AKAP19: variants seen among roughly 807,000 people sequenced by gnomAD.
AKAP19 encodes small A-kinase anchoring protein.
At chr2:190,067,269 A>G in the AKAP19 span, among the ~76,000 whole-genome samples, 1 of 152,164 alleles carries the variant, frequency 6.6e-6, no homozygotes, top group Non-Finnish European at 1.5e-5. Context: ...AAGGCAAAAA[A>G]CATCTTAGTA....
At chr2:189,896,462 C>T in the AKAP19 span, among the ~76,000 whole-genome samples, 2 of 152,010 alleles carry the variant, frequency 1.3e-5, no homozygotes, top group African/African-American at 4.8e-5. Flanking sequence ...TGTACTTTTT[C>T]CCGCGTTCCA....
the AKAP19 span, among the ~76,000 whole-genome samples, chr2:190,162,742 C>T: frequency 2.0e-5 from 3 of 152,230 alleles, no homozygotes; most frequent in East Asian, 5.8e-4. Flanking sequence ...CTCCGATGGA[C>T]ATATCAGAGG....
At chr2:189,955,039 C>A in the AKAP19 span, among the ~76,000 whole-genome samples, 4 of 152,124 alleles carry the variant, frequency 2.6e-5, no homozygotes, top group Admixed American at 2.0e-4. Flanking sequence ...TTAGTGTACT[C>A]ATCACCCAAA....
chr2:190,178,883 G>A, the AKAP19 span, among the ~76,000 whole-genome samples: 3 of 152,142 alleles, frequency 2.0e-5, no homozygotes, highest in Admixed American at 6.5e-5. This position sits in a 1 kb window ranked among gnomAD's most constrained non-coding sequence, Gnocchi z 6.3. Context: ...AAGAACTGAC[G>A]CCATCCCCTC....
chr2:190,038,998 C>CTTT, the AKAP19 span, among the ~76,000 whole-genome samples: 1 of 110,654 alleles, frequency 9.0e-6, no homozygotes, highest in African/African-American at 5.0e-5. Context: ...TTTCTTTCTT[C>CTTT]TCTTCTTCTT....
chr2:190,006,130 T>A, the AKAP19 span, among the ~76,000 whole-genome samples: 2 of 152,242 alleles, frequency 1.3e-5, no homozygotes, highest in African/African-American at 2.4e-5. Flanking sequence ...ATTCTTATCA[T>A]TTTTCATGAG....
At chr2:189,904,245 C>T in the AKAP19 span, among the ~76,000 whole-genome samples, 1 of 151,994 alleles carries the variant, frequency 6.6e-6, no homozygotes, top group African/African-American at 2.4e-5. Flanking sequence ...CCATCATATA[C>T]ATTTTTATAT....
chr2:189,971,252 C>G, the AKAP19 span, among the ~76,000 whole-genome samples: 1 of 152,022 alleles, frequency 6.6e-6, no homozygotes, highest in Non-Finnish European at 1.5e-5. Context: ...TTTGTCCTTG[C>G]GATAGTTTGC....
At chr2:190,191,932 GT>G in the AKAP19 span, among the ~76,000 whole-genome samples, 525 of 147,696 alleles carry the variant, frequency 3.6e-3, 1 homozygote, top group African/African-American at 0.012. Context: ...TTTTAACTGT[GT>G]TTTTTTTTCC....
the AKAP19 span, among the ~76,000 whole-genome samples, chr2:189,893,244 T>C: frequency 1.7e-4 from 26 of 152,286 alleles, no homozygotes; most frequent in African/African-American, 6.0e-4. Flanking sequence ...GTCTCATTGG[T>C]GTTCCAGACA....
At chr2:190,116,031 C>A in the AKAP19 span, among the ~76,000 whole-genome samples, 3 of 152,216 alleles carry the variant, frequency 2.0e-5, no homozygotes, top group Non-Finnish European at 4.4e-5. Flanking sequence ...TCTACGCAAA[C>A]CTGCAAGCCC....
At chr2:189,948,035 G>T in the AKAP19 span, among the ~76,000 whole-genome samples, 1 of 152,066 alleles carries the variant, frequency 6.6e-6, no homozygotes, top group Non-Finnish European at 1.5e-5. Flanking sequence ...AATATTTAAC[G>T]TATAATAAGT....
chr2:190,169,745 C>T, the AKAP19 span, among the ~76,000 whole-genome samples: 4 of 152,146 alleles, frequency 2.6e-5, no homozygotes, highest in Non-Finnish European at 5.9e-5. Flanking sequence ...CATGGTAACA[C>T]TGATTAGGCT....
At chr2:190,163,366 A>G in the AKAP19 span, among the ~76,000 whole-genome samples, 2,607 of 151,608 alleles carry the variant, frequency 0.017, 47 homozygotes, top group African/African-American at 0.042. Flanking sequence ...CCTGGGAGGC[A>G]GAGCTTGCAG....
At chr2:190,107,812 G>A in the AKAP19 span, among the ~76,000 whole-genome samples, 3,386 of 152,294 alleles carry the variant, frequency 0.022, 144 homozygotes, top group African/African-American at 0.077. Flanking sequence ...TAATTTTATA[G>A]CATCAAAAAT....
chr2:190,038,897 TTTCTTTCTTCTTCTTCTTCTTCTTCTTC>T, the AKAP19 span, among the ~76,000 whole-genome samples: 10 of 62,330 alleles, frequency 1.6e-4, no homozygotes, highest in East Asian at 1.1e-3. Flanking sequence ...TCTTTCTTTC[TTTCTTTCTTCTTCTTCTTCTTCTTCTTC>T]TTCTTCTTCT....
chr2:190,019,898 C>T, the AKAP19 span, among the ~76,000 whole-genome samples: 1 of 152,042 alleles, frequency 6.6e-6, no homozygotes, highest in African/African-American at 2.4e-5. Flanking sequence ...CAGGTTTATT[C>T]CCAAGTTTTG....
At chr2:189,900,260 A>G in the AKAP19 span, among the ~76,000 whole-genome samples, 2 of 152,182 alleles carry the variant, frequency 1.3e-5, no homozygotes, top group Non-Finnish European at 2.9e-5. Flanking sequence ...TCTTCGGGAT[A>G]AATTCACAAA....
At chr2:190,137,091 T>C in the AKAP19 span, among the ~76,000 whole-genome samples, 1 of 152,224 alleles carries the variant, frequency 6.6e-6, no homozygotes, top group Non-Finnish European at 1.5e-5. Flanking sequence ...AGAATCAAAC[T>C]TTTAAAATTG....
Sources: allele counts gnomAD v4.1 joint callset (sites outside exome capture counted in the v4.1 genomes callset), GRCh38; gene constraint gnomAD v4.1.1; non-coding constraint Gnocchi (gnomAD v3.1); transcripts MANE v1.5; gene names NCBI Gene and HGNC (gene_info 2026-07-23, HGNC 2026-07-21).